The following FMN1 variants were observed in gnomAD, a reference collection of about 807,000 sequenced individuals.
The protein encoded by FMN1 is formin 1.
In FMN1, 110 loss-of-function variants were observed where a neutral mutation model predicts 132.4. The ratio of observed to expected loss-of-function variants is 0.83; its 90% confidence interval spans 0.71 to 0.97. FMN1 has a LOEUF of 0.97. Among genes scored for constraint, FMN1 ranks in the 50% least tolerant of loss-of-function variants. The pLI, the probability that FMN1 is intolerant of heterozygous loss-of-function variation, is 0.00. For synonymous variants in FMN1, 722 were observed against 651.7 expected, an observed-to-expected ratio of 1.11 and a Z score of -1.64; for missense variants, 1,792 against 1,705.3, an observed-to-expected ratio of 1.05 and a Z score of -0.90.
intron 4 of FMN1, among the ~76,000 whole-genome samples, chr15:33,110,410 AT>A (rs1007989447): frequency 6.6e-6 from 1 of 152,126 alleles, no homozygotes; most frequent in Admixed American, 6.6e-5. Context: ...AAGACTGGAA[AT>A]AAATGTAAAT....
At chr15:32,823,166 T>TTTTTTG (rs2058272317) in intron 17 of FMN1, among the ~76,000 whole-genome samples, 1 of 100,134 alleles carries the variant, frequency 1.0e-5, no homozygotes. Context: ...TTTTTTTTTT[T>TTTTTTG]TTTTTTTTTT....
chr15:32,908,274 GA>G, intron 12 of FMN1: 2 of 476,500 alleles, frequency 4.2e-6, no homozygotes, highest in African/African-American at 1.9e-5. Flanking sequence ...TGGGGTGGGG[GA>G]GGGGGGTGAG....
intron 4 of FMN1, among the ~76,000 whole-genome samples, chr15:33,090,672 C>A (rs934922368): frequency 1.3e-5 from 2 of 152,160 alleles, no homozygotes; most frequent in Admixed American, 6.5e-5. Flanking sequence ...CCTTGCTACC[C>A]ACTGTCTACA....
At chr15:33,082,137 CAG>C in intron 5 of FMN1, among the ~76,000 whole-genome samples, 1 of 126,040 alleles carries the variant, frequency 7.9e-6, no homozygotes, top group South Asian at 2.7e-4. Flanking sequence ...GTGTGTAAGA[CAG>C]AGTCTCGCTC....
intron 4 of FMN1, chr15:33,150,614 G>A (rs952745502): frequency 2.0e-6 from 2 of 985,322 alleles, no homozygotes; most frequent in African/African-American, 3.5e-5. Flanking sequence ...TTGTAACAAG[G>A]ATAAGCGGGT....
chr15:32,924,691 G>A (rs1483101364), intron 10 of FMN1, among the ~76,000 whole-genome samples: 1 of 152,176 alleles, frequency 6.6e-6, no homozygotes, highest in South Asian at 2.1e-4. Flanking sequence ...AGGCCAAGGC[G>A]GGTGGATGAT....
At chr15:33,151,062 T>A in intron 4 of FMN1, 6 of 1,289,506 alleles carry the variant, frequency 4.7e-6, no homozygotes, top group Non-Finnish European at 5.9e-6. Context: ...GGGTTCAGAA[T>A]ATAAAGAGGA....
chr15:32,926,170 T>A lies in FMN1; in HGVS notation c.3226+4A>T. On this transcript the variant is annotated splice_donor_region_variant and intron_variant, in intron 10 of 20. Transcript: ENST00000616417. ...GTAAAACAAAAGTGATAGAAAAGAC[T>A]TACCCTGTTGGATATCCTTCATTTC... The A allele has an allele frequency of 7.0e-7, 1 of 1,432,480 alleles. No homozygotes were observed. Among genetic ancestry groups the A allele is most frequent in the Non-Finnish European group, 9.6e-7 (1 of 1,041,158 alleles). 88.7% of individuals were successfully genotyped at this position (1,432,480 alleles called of 1,614,324 possible). A position where few individuals can be genotyped will look rare whatever the true frequency, so the allele number is the denominator to read the frequency against.
At chr15:33,054,648 A>C (rs148833835) in intron 6 of FMN1, among the ~76,000 whole-genome samples, 2 of 152,350 alleles carry the variant, frequency 1.3e-5, no homozygotes, top group East Asian at 3.9e-4. Flanking sequence ...GGTAGAGAGA[A>C]AGAAAACTAA....
At chr15:32,781,996 A>C (rs2056680333) in intron 19 of FMN1, among the ~76,000 whole-genome samples, 1 of 152,140 alleles carries the variant, frequency 6.6e-6, no homozygotes, top group African/African-American at 2.4e-5. Context: ...ATTTCCATGC[A>C]TGCAAATTCT....
At chr15:33,087,242 G>A (rs1042966978) in intron 5 of FMN1, among the ~76,000 whole-genome samples, 2 of 152,152 alleles carry the variant, frequency 1.3e-5, no homozygotes, top group African/African-American at 4.8e-5. Context: ...ATGAAAACAA[G>A]AATGAATAAG....
intron 6 of FMN1, among the ~76,000 whole-genome samples, chr15:33,053,396 G>A (rs1289677206): frequency 6.6e-6 from 1 of 152,180 alleles, no homozygotes; most frequent in Non-Finnish European, 1.5e-5. Flanking sequence ...TTGGCACTTG[G>A]AGCTGCCAGC....
At chr15:32,823,271 C>T (rs1275551061) in intron 17 of FMN1, among the ~76,000 whole-genome samples, 1 of 147,030 alleles carries the variant, frequency 6.8e-6, no homozygotes, top group Non-Finnish European at 1.5e-5. Flanking sequence ...ACACCATTCT[C>T]CTGCTTCAGC....
rs749789693 is a variant in FMN1, at chr15:33,153,700, G to A, written c.1215C>T (p.Ser405=). 7 of 1,536,418 alleles carry A rather than the reference G, an allele frequency of 4.6e-6. No individual in the cohort carries two copies. In the South Asian group the frequency reaches 4.8e-5, roughly 10 times the overall value. The change falls in exon 4 of 21, where the codon TCC becomes TCT. Residue 405 remains serine (S), a synonymous_variant. Coordinates refer to ENST00000616417, the MANE Select transcript of FMN1 (RefSeq NM_001277313.2). The part of the protein sequence containing the change: ...SSQSPAGETA[S]ISSVSASAEG... Reference sequence around the variant, plus strand: ...CGGCACTGGCCGACACACTAGAAATGGAGGCTGTTTCCCCGGCTGGCGACT... The same window carrying A: ...CGGCACTGGCCGACACACTAGAAATAGAGGCTGTTTCCCCGGCTGGCGACT...
chr15:33,178,008 C>G (rs1379012424), intron 3 of FMN1, among the ~76,000 whole-genome samples: 1 of 151,306 alleles, frequency 6.6e-6, no homozygotes, highest in Non-Finnish European at 1.5e-5. Context: ...AACTCTGTCT[C>G]AAAAAAGAAA....
chr15:33,079,757 C>T (rs936596587), intron 5 of FMN1, among the ~76,000 whole-genome samples: 1 of 152,244 alleles, frequency 6.6e-6, no homozygotes, highest in Non-Finnish European at 1.5e-5. Flanking sequence ...TCCTTCACAT[C>T]AATTTCCAGA....
intron 2 of FMN1, among the ~76,000 whole-genome samples, chr15:33,192,741 T>G (rs1320214106): frequency 6.6e-6 from 1 of 152,198 alleles, no homozygotes; most frequent in Non-Finnish European, 1.5e-5. Flanking sequence ...AAATGCATAA[T>G]TTTTAGGAAC....
chr15:33,045,486 T>G (rs150878908), intron 6 of FMN1, among the ~76,000 whole-genome samples: 138 of 152,330 alleles, frequency 9.1e-4, no homozygotes, highest in South Asian at 3.5e-3. Flanking sequence ...CTTGTCTCCT[T>G]TGATCTCTCA....
intron 4 of FMN1, among the ~76,000 whole-genome samples, chr15:33,100,969 T>A (rs1014340801): frequency 1.6e-4 from 25 of 152,212 alleles, no homozygotes; most frequent in Admixed American, 1.2e-3. Flanking sequence ...ATTCTTACCC[T>A]GATTTTAAAC....
Sources: gnomAD v4.1 joint callset for allele counts (sites outside exome capture counted in the v4.1 genomes callset) on GRCh38, gnomAD v4.1.1 for gene constraint, MANE v1.5 for transcripts, NCBI Gene and HGNC (gene_info 2026-07-23, HGNC 2026-07-21) for gene names.